Variants in CYP2C19 observed in about 807,000 individuals in gnomAD.
CYP2C19 encodes the protein cytochrome P450 family 2 subfamily C member 19, also known as cytochrome P450 2C19.
A neutral mutation model predicts 40.9 loss-of-function variants in CYP2C19; 59 were observed. That is an observed-to-expected ratio of 1.44 (90% CI 1.17 to 1.79). The LOEUF is 1.79. CYP2C19 is among the 40% of genes most tolerant of loss of function. The pLI, the probability that CYP2C19 is intolerant of heterozygous loss-of-function variation, is 0.00. For missense variants in CYP2C19, 754 were observed against 596.9 expected, an observed-to-expected ratio of 1.26 and a Z score of -2.74; for synonymous variants, 253 against 208.7, an observed-to-expected ratio of 1.21 and a Z score of -1.83.
intron 5 of CYP2C19, among the ~76,000 whole-genome samples, chr10:94,792,334 A>G (rs191742095): frequency 1.3e-5 from 2 of 152,216 alleles, no homozygotes; most frequent in African/African-American, 4.8e-5. Flanking sequence ...TGTGCCTTTT[A>G]ATTGGAGCAT....
intron 6 of CYP2C19, among the ~76,000 whole-genome samples, chr10:94,823,881 T>C (rs768178333): frequency 1.3e-5 from 2 of 152,112 alleles, no homozygotes; most frequent in Non-Finnish European, 2.9e-5. Flanking sequence ...TATAGGACAA[T>C]GAGAGTGTCA....
intron 5 of CYP2C19, among the ~76,000 whole-genome samples, chr10:94,814,090 C>T (rs1848965985): frequency 6.6e-6 from 1 of 151,344 alleles, no homozygotes; most frequent in Non-Finnish European, 1.5e-5. Flanking sequence ...CTCCCTGCTT[C>T]AGTTTAGCCT....
chr10:94,811,060 C>T lies in CYP2C19; in HGVS notation c.820-9436C>T, dbSNP rs116524305. Among the ~76,000 whole-genome samples the T allele has an allele frequency of 4.5e-3, 691 of 152,280 alleles. 7 individuals are homozygous for T. The highest frequency in any genetic ancestry group is 0.015 in the African/African-American group (641 of 41,564). On this transcript the variant is annotated intron_variant, in intron 5 of 8. Transcript: ENST00000371321. ...CCTCTAAACACTGCTTTAGCTGTGT[C>T]TTGGAGATTCTGGTACACTGTGTCC...
chr10:94,824,420 C>T (rs1225862769), intron 6 of CYP2C19, among the ~76,000 whole-genome samples: 1 of 151,996 alleles, frequency 6.6e-6, no homozygotes, highest in East Asian at 1.9e-4. Context: ...GAAGAAGCTG[C>T]TAGAATGTTC....
chr10:94,798,814 A>ATTTTTTTTTTTTTTTTTTTTT (rs61240923), intron 5 of CYP2C19, among the ~76,000 whole-genome samples: 24 of 67,696 alleles, frequency 3.5e-4, no homozygotes, highest in Non-Finnish European at 5.0e-4. Flanking sequence ...GCAACCCCTG[A>ATTTTTTTTTTTTTTTTTTTTT]TTTTTTTTTT....
At chr10:94,822,315 A>G (rs535231891) in intron 6 of CYP2C19, among the ~76,000 whole-genome samples, 1 of 152,294 alleles carries the variant, frequency 6.6e-6, no homozygotes, top group African/African-American at 2.4e-5. Context: ...CAAGAACAGC[A>G]TGGGAACACC....
chr10:94,789,981 G>A (rs1848585710), intron 5 of CYP2C19, among the ~76,000 whole-genome samples: 1 of 152,156 alleles, frequency 6.6e-6, no homozygotes, highest in Non-Finnish European at 1.5e-5. Flanking sequence ...CATGAGCATG[G>A]AATGTTCTTG....
In CYP2C19 at chr10:94,765,574, C is replaced by T. The variant is rs113932608; in HGVS notation, c.168+2701C>T. Among the ~76,000 whole-genome samples the T allele has an allele frequency of 2.3e-3, 354 of 152,082 alleles. 1 individual carries two copies. Among genetic ancestry groups the T allele is most frequent in the African/African-American group, 7.3e-3 (304 of 41,502 alleles). On this transcript the variant is annotated intron_variant, in intron 1 of 8. Coordinates refer to ENST00000371321, the MANE Select transcript of CYP2C19 (RefSeq NM_000769.4). ...TCTATTTTCCCATTGGAGAAAAAACCGTTCTGTGTCTACTAGGAACCATTC... is the reference window on the plus strand; with the variant it reads ...TCTATTTTCCCATTGGAGAAAAAACTGTTCTGTGTCTACTAGGAACCATTC...
intron 5 of CYP2C19, among the ~76,000 whole-genome samples, chr10:94,798,049 G>A (rs1225775888): frequency 2.0e-5 from 3 of 151,862 alleles, no homozygotes; most frequent in Non-Finnish European, 4.4e-5. Context: ...GAATTTGTTT[G>A]CTCTTGCTTC....
At position 94,775,125 on chromosome 10, in the gene CYP2C19, G is replaced by T; in HGVS notation, c.236G>T (p.Gly79Val). The T allele has an allele frequency of 6.2e-7, 1 of 1,614,150 alleles. No homozygotes were observed. The highest frequency in any genetic ancestry group is 8.5e-7 in the Non-Finnish European group (1 of 1,180,032). The change falls in exon 2 of 9, where the codon GGA becomes GTA. Residue 79 changes from glycine (G) to valine (V), a missense_variant. Transcript: ENST00000371321. ...CTGGAACGCATGGTGGTGCTGCATG[G>T]ATATGAAGTGGTGAAGGAAGCCCTG... is the stretch of plus-strand genomic sequence containing the variant. ...FGLERMVVLH[G>V]YEVVKEALID... is the part of the protein sequence containing the mutation.
intron 5 of CYP2C19, among the ~76,000 whole-genome samples, chr10:94,797,823 G>T (rs746021623): frequency 1.1e-4 from 17 of 152,040 alleles, no homozygotes; most frequent in Non-Finnish European, 1.9e-4. Flanking sequence ...ATTTCTCTGT[G>T]ATTGGTGGTG....
In CYP2C19 at chr10:94,813,118, C is replaced by G. The variant is rs2265609; in HGVS notation, c.820-7378C>G. Among the ~76,000 whole-genome samples, 621 of 151,352 alleles carry G rather than the reference C, an allele frequency of 4.1e-3. 2 individuals are homozygous for G. The highest frequency in any genetic ancestry group is 9.7e-3 in the African/African-American group (397 of 40,934). On this transcript the variant is annotated intron_variant, in intron 5 of 8. Transcript: ENST00000371321. ...GTTTGCTAGTTTTTTTCCTAACAGT[C>G]AGGCCCTTCTGCTGCAGGTCTGCTG... is the stretch of plus-strand genomic sequence containing the variant.
intron 5 of CYP2C19, among the ~76,000 whole-genome samples, chr10:94,817,665 C>T (rs1849028319): frequency 6.7e-6 from 1 of 150,350 alleles, no homozygotes; most frequent in Admixed American, 6.6e-5. Context: ...ATGCCTATGT[C>T]CTGAATGGTA....
At chr10:94,802,969 G>T (rs189398966) in intron 5 of CYP2C19, among the ~76,000 whole-genome samples, 1 of 152,066 alleles carries the variant, frequency 6.6e-6, no homozygotes, top group East Asian at 1.9e-4. Flanking sequence ...TTACTCTAAT[G>T]GGTTTTCCTT....
At chr10:94,818,762 G>A (rs1026039681) in intron 5 of CYP2C19, among the ~76,000 whole-genome samples, 1 of 149,686 alleles carries the variant, frequency 6.7e-6, no homozygotes, top group Non-Finnish European at 1.5e-5. Flanking sequence ...CTTTGCTGAA[G>A]TTGCTTATCA....
chr10:94,830,317 C>A (rs548653796), intron 6 of CYP2C19, among the ~76,000 whole-genome samples: 1 of 152,074 alleles, frequency 6.6e-6, no homozygotes, highest in African/African-American at 2.4e-5. Context: ...ACTCCGTGGG[C>A]GTAGGACCCT....
chr10:94,800,861 T>G (rs77460358), intron 5 of CYP2C19, among the ~76,000 whole-genome samples: 10,621 of 152,270 alleles, frequency 0.07, 425 homozygotes, highest in South Asian at 0.12. Flanking sequence ...TGCCTGTTGC[T>G]AAGACCATGG....
intron 5 of CYP2C19, among the ~76,000 whole-genome samples, chr10:94,803,471 CT>C (rs753378144): frequency 1.3e-5 from 2 of 152,174 alleles, no homozygotes; most frequent in Non-Finnish European, 2.9e-5. Flanking sequence ...GGGGGATCTT[CT>C]TTGTTTCCTC....
chr10:94,797,783 T>C (rs1349172274), intron 5 of CYP2C19, among the ~76,000 whole-genome samples: 5 of 152,234 alleles, frequency 3.3e-5, no homozygotes, highest in Admixed American at 3.3e-4. Context: ...TGCATACAGG[T>C]GTTTATAGTA....
Sources: allele counts gnomAD v4.1 joint callset (sites outside exome capture counted in the v4.1 genomes callset), GRCh38; gene constraint gnomAD v4.1.1; transcripts MANE v1.5; gene names NCBI Gene and HGNC (gene_info 2026-07-23, HGNC 2026-07-21).